Variants in CD109 observed in about 807,000 individuals in gnomAD.
CD109 encodes CD109 molecule, also known as CD109 antigen.
CD109 carries 149 observed loss-of-function variants against 165.8 expected under a neutral mutation model. The observed-to-expected ratio is 0.90, with a 90% confidence interval of 0.79 to 1.03. CD109 has a LOEUF of 1.03. Among genes scored for constraint, CD109 ranks in the 50% least tolerant of loss-of-function variants. The probability of loss-of-function intolerance (pLI) is 0.00; values close to 1 mark genes in which losing one functional copy is unlikely to be tolerated. For missense variants in CD109, 1,712 were observed against 1,677.8 expected (o/e 1.02, Z -0.36); for synonymous variants, 585 against 592.1 (o/e 0.99, Z 0.18).
chr6:73,802,289 G>GTGTGTATATATATATA (rs71542231), intron 23 of CD109, among the ~76,000 whole-genome samples: 10 of 78,194 alleles, frequency 1.3e-4, no homozygotes, highest in African/African-American at 6.0e-4. Flanking sequence ...GTGTGTGTGT[G>GTGTGTATATATATATA]TATATATATA....
intron 2 of CD109, among the ~76,000 whole-genome samples, chr6:73,701,864 T>C (rs1188063121): frequency 6.6e-6 from 1 of 152,174 alleles, no homozygotes; most frequent in African/African-American, 2.4e-5. Context: ...GAGGATTGCT[T>C]GAGCCCAGGA....
At chr6:73,753,974 A>C (rs377052344) in intron 5 of CD109, among the ~76,000 whole-genome samples, 2 of 152,228 alleles carry the variant, frequency 1.3e-5, no homozygotes, top group East Asian at 1.9e-4. Flanking sequence ...CAAGGATTTC[A>C]TAGTCTCTTA....
At chr6:73,729,525 TTATTA>T (rs1772273172) in intron 3 of CD109, among the ~76,000 whole-genome samples, 1 of 147,412 alleles carries the variant, frequency 6.8e-6, no homozygotes, top group East Asian at 1.9e-4. Flanking sequence ...ATTATTATTA[TTATTA>T]TTATTTTGAG....
intron 28 of CD109, 150 bp downstream of exon 28, chr6:73,811,297 A>G: frequency 1.1e-6 from 1 of 924,994 alleles, no homozygotes; most frequent in Non-Finnish European, 1.5e-6. Flanking sequence ...CTTTGGCTGA[A>G]TTTGCTGAGC....
At chr6:73,793,026 T>A (rs1775032303) in intron 23 of CD109, among the ~76,000 whole-genome samples, 1 of 152,218 alleles carries the variant, frequency 6.6e-6, no homozygotes, top group Non-Finnish European at 1.5e-5. Context: ...TAGTAATGGC[T>A]TAAGAGTTAG....
chr6:73,730,118 T>C (rs575534693), intron 3 of CD109, among the ~76,000 whole-genome samples: 65 of 152,294 alleles, frequency 4.3e-4, no homozygotes, highest in African/African-American at 1.5e-3. Flanking sequence ...AGCAGTGGGC[T>C]ATGTGTCCCC....
chr6:73,782,522 C>A, intron 17 of CD109, 92 bp from the exon 18 acceptor site: 1 of 1,266,828 alleles, frequency 7.9e-7, no homozygotes, highest in Admixed American at 1.8e-5. Context: ...CTCTGGACAC[C>A]TCAAGTGATT....
chr6:73,808,204 C>T lies in CD109; in HGVS notation c.3311C>T (p.Ala1104Val), dbSNP rs781030709. 3.8e-5 allele frequency: 61 copies of T among 1,613,210 alleles called. No individual in the cohort carries two copies. The highest frequency in any genetic ancestry group is 2.0e-4 in the East Asian group (9 of 44,860). ...TTGTCATCAGTGGGGAGTCCTAAAG[C>T]GAAGGAAGCTTTGAATATGCTGACT... ...YALSSVGSPK[A>V]KEALNMLTWR... Residue 1104 changes from alanine to valine, a missense_variant, in exon 26 of 33, where the codon GCG becomes GTG. Transcript: ENST00000287097.
chr6:73,789,441 G>A (rs1774832423), intron 22 of CD109, among the ~76,000 whole-genome samples: 1 of 148,680 alleles, frequency 6.7e-6, no homozygotes, highest in Non-Finnish European at 1.5e-5. Context: ...AAGAACATTT[G>A]AAATTTGCTG....
chr6:73,769,641 T>A (rs993679976), intron 14 of CD109, among the ~76,000 whole-genome samples: 4 of 152,208 alleles, frequency 2.6e-5, no homozygotes, highest in African/African-American at 9.6e-5. Flanking sequence ...TTAGTGAATG[T>A]TTATTAATGT....
At chr6:73,700,928 A>G (rs1273196720) in intron 2 of CD109, among the ~76,000 whole-genome samples, 1 of 148,400 alleles carries the variant, frequency 6.7e-6, no homozygotes, top group Non-Finnish European at 1.5e-5. Flanking sequence ...CAGCCTTCCG[A>G]GTAACTGGGA....
intron 24 of CD109, among the ~76,000 whole-genome samples, chr6:73,804,421 T>C (rs1281733322): frequency 6.6e-6 from 1 of 152,202 alleles, no homozygotes; most frequent in African/African-American, 2.4e-5. Flanking sequence ...ATTTCAGGCA[T>C]TTTGGGCCAC....
intron 2 of CD109, among the ~76,000 whole-genome samples, chr6:73,716,170 A>G (rs1771736730): frequency 6.6e-6 from 1 of 152,170 alleles, no homozygotes; most frequent in Non-Finnish European, 1.5e-5. Flanking sequence ...TTCTTTATCC[A>G]TTCATTTGTT....
At chr6:73,691,116 C>G (rs920915671), upstream of CD109, among the ~76,000 whole-genome samples, 3 of 152,216 alleles carry the variant, frequency 2.0e-5, no homozygotes, top group African/African-American at 4.8e-5. Context: ...CCAGAACCCA[C>G]AGGCAATTAA....
intron 15 of CD109, among the ~76,000 whole-genome samples, chr6:73,776,984 ATT>A (rs36173181): frequency 1.3e-4 from 13 of 102,902 alleles, no homozygotes; most frequent in African/African-American, 2.4e-4. Flanking sequence ...TCCTTTGCCC[ATT>A]TTTTTTTTTT....
chr6:73,682,767 A>C, the CD109 span, among the ~76,000 whole-genome samples: 3 of 152,218 alleles, frequency 2.0e-5, 1 homozygote, highest in South Asian at 6.2e-4. Flanking sequence ...ACATCTTCTG[A>C]AATCTTTCCC....
intron 10 of CD109, among the ~76,000 whole-genome samples, chr6:73,765,290 G>A (rs1399852716): frequency 6.6e-6 from 1 of 151,896 alleles, no homozygotes; most frequent in African/African-American, 2.4e-5. Context: ...GGTGGTAGCT[G>A]TGGGAGTGGA....
At position 73,783,974 on chromosome 6, in the gene CD109, A is replaced by G. The variant is rs1582153557; in HGVS notation, c.2223+150A>G. ...TTGTCTTTTGGTTTTTATCTGTTTTATATTTAAGAATGTGAGCTATATATA... is the reference window on the plus strand; with the variant it reads ...TTGTCTTTTGGTTTTTATCTGTTTTGTATTTAAGAATGTGAGCTATATATA... On this transcript the variant is annotated intron_variant, in intron 19 of 32. Transcript: ENST00000287097. 8.9e-6 allele frequency: 5 copies of G among 560,856 alleles called. No individual in the cohort carries two copies. The East Asian group carries it at 1.5e-4, about 17-fold the overall frequency. 34.7% of individuals were successfully genotyped at this position (560,856 alleles called of 1,614,324 possible).
At chr6:73,779,973 T>G (rs772326572) in intron 15 of CD109, among the ~76,000 whole-genome samples, 2 of 152,182 alleles carry the variant, frequency 1.3e-5, no homozygotes, top group Non-Finnish European at 2.9e-5. Context: ...ATTTTTCTGC[T>G]TATTAATAAC....
Sources: gnomAD v4.1 joint callset for allele counts (sites outside exome capture counted in the v4.1 genomes callset) on GRCh38, gnomAD v4.1.1 for gene constraint, MANE v1.5 for transcripts, NCBI Gene and HGNC (gene_info 2026-07-23, HGNC 2026-07-21) for gene names.